Variants in RANBP2 observed in about 807,000 individuals in gnomAD.
RANBP2 encodes E3 SUMO-protein ligase RanBP2.
In RANBP2, 57 loss-of-function variants were observed where a neutral mutation model predicts 303.6. The ratio of observed to expected loss-of-function variants is 0.19; its 90% CI spans 0.15 to 0.23. The LOEUF is 0.23. RANBP2 is among the 10% of genes least tolerant of loss of function. The pLI is 1.00. For synonymous variants in RANBP2, 1,167 were observed against 1,301.5 expected, an observed-to-expected ratio of 0.90 and a Z score of 2.23; for missense variants, 3,138 against 3,780.8, an observed-to-expected ratio of 0.83 and a Z score of 4.46.
At chr2:109,414,903 C>A in the RANBP2 span, among the ~76,000 whole-genome samples, 2 of 152,206 alleles carry the variant, frequency 1.3e-5, no homozygotes, top group African/African-American at 4.8e-5. Flanking sequence ...AGTGCTGATC[C>A]CAGAACCTGA....
the RANBP2 span, among the ~76,000 whole-genome samples, chr2:109,397,566 G>A: frequency 2.8e-4 from 42 of 152,218 alleles, no homozygotes; most frequent in Non-Finnish European, 5.9e-4. Flanking sequence ...ACCCAAGTGG[G>A]AAACTTCCTC....
chr2:109,314,119 C>T, the RANBP2 span, among the ~76,000 whole-genome samples: 4 of 152,040 alleles, frequency 2.6e-5, no homozygotes, highest in South Asian at 6.3e-4. Flanking sequence ...CGGAAAGCAG[C>T]AGGCCTGGGC....
chr2:109,250,780 A>AG, the RANBP2 span, among the ~76,000 whole-genome samples: 1 of 151,900 alleles, frequency 6.6e-6, no homozygotes, highest in Admixed American at 6.6e-5. Context: ...AGAAAAAAAA[A>AG]GTGCTTCAAT....
At chr2:109,519,658 A>G in the RANBP2 span, among the ~76,000 whole-genome samples, 2 of 152,216 alleles carry the variant, frequency 1.3e-5, no homozygotes, top group Non-Finnish European at 2.9e-5. Context: ...TTAAAAATAG[A>G]TAAAACCACA....
the RANBP2 span, among the ~76,000 whole-genome samples, chr2:109,599,205 C>T: frequency 6.6e-6 from 1 of 151,998 alleles, no homozygotes; most frequent in Non-Finnish European, 1.5e-5. Flanking sequence ...CACCTGTAAC[C>T]CCAGCACTCT....
the RANBP2 span, among the ~76,000 whole-genome samples, chr2:109,267,672 C>T: frequency 6.6e-6 from 1 of 152,208 alleles, no homozygotes; most frequent in Non-Finnish European, 1.5e-5. Flanking sequence ...GTCTGGGAGG[C>T]AGGAGCCCCA....
chr2:108,759,402 A>G (rs962903194), intron 18 of RANBP2, among the ~76,000 whole-genome samples: 1 of 152,246 alleles, frequency 6.6e-6, no homozygotes, highest in African/African-American at 2.4e-5. Context: ...ACTTGCCAGT[A>G]TAATACATTG....
chr2:109,698,752 T>C, the RANBP2 span, among the ~76,000 whole-genome samples: 1 of 152,046 alleles, frequency 6.6e-6, no homozygotes, highest in East Asian at 1.9e-4. Flanking sequence ...GCTGGAGTTT[T>C]TTTGCATTCT....
chr2:109,587,988 A>G, the RANBP2 span, among the ~76,000 whole-genome samples: 1 of 152,108 alleles, frequency 6.6e-6, no homozygotes, highest in Non-Finnish European at 1.5e-5. Flanking sequence ...GCTGCTCAGG[A>G]GGCTGAGGTG....
At chr2:108,965,301 C>T in the RANBP2 span, among the ~76,000 whole-genome samples, 1 of 151,970 alleles carries the variant, frequency 6.6e-6, no homozygotes, top group Admixed American at 6.6e-5. Flanking sequence ...CATGGTGAAA[C>T]CCCATCTCTA....
the RANBP2 span, among the ~76,000 whole-genome samples, chr2:109,525,560 G>A: frequency 1.9e-4 from 29 of 152,308 alleles, no homozygotes; most frequent in Non-Finnish European, 2.9e-4. Context: ...GGCTGGTGAC[G>A]TGAACCCCAG....
At chr2:109,564,299 G>GAT in the RANBP2 span, 1 of 1,358,148 alleles carries the variant, frequency 7.4e-7, no homozygotes, top group Non-Finnish European at 9.7e-7. Flanking sequence ...CATCATCCTG[G>GAT]ATATATAAAA....
chr2:108,752,023 A>G, intron 12 of RANBP2, 29 bp downstream of exon 12: 2 of 1,610,052 alleles, frequency 1.2e-6, no homozygotes, highest in Non-Finnish European at 1.7e-6. Flanking sequence ...GCATTTTTAA[A>G]GAACATTACC....
the RANBP2 span, among the ~76,000 whole-genome samples, chr2:109,541,173 T>C: frequency 8.4e-4 from 128 of 152,348 alleles, no homozygotes; most frequent in Non-Finnish European, 1.6e-3. Context: ...AATTCTGATT[T>C]ACCTGTGTGA....
the RANBP2 span, among the ~76,000 whole-genome samples, chr2:109,119,454 C>A: frequency 1.3e-5 from 2 of 152,330 alleles, no homozygotes; most frequent in South Asian, 4.1e-4. Flanking sequence ...GGATATACTT[C>A]TGCCAAGACA....
the RANBP2 span, among the ~76,000 whole-genome samples, chr2:109,140,729 C>A: frequency 6.6e-6 from 1 of 152,056 alleles, no homozygotes; most frequent in African/African-American, 2.4e-5. Flanking sequence ...TTCCCTTCTG[C>A]AAAAGGCCTA....
the RANBP2 span, chr2:108,923,503 A>ACCTGT: frequency 6.4e-7 from 1 of 1,556,192 alleles, no homozygotes; most frequent in Non-Finnish European, 8.9e-7. Flanking sequence ...TGGACAGCAC[A>ACCTGT]CAGGCAGGGA....
the RANBP2 span, chr2:109,347,624 G>A: frequency 3.0e-5 from 47 of 1,587,164 alleles, no homozygotes; most frequent in African/African-American, 3.9e-4. Context: ...CCACTGTGGG[G>A]CATTGGGAAG....
the RANBP2 span, among the ~76,000 whole-genome samples, chr2:108,992,259 C>A: frequency 2.6e-5 from 4 of 152,184 alleles, no homozygotes; most frequent in African/African-American, 9.7e-5. Context: ...CGGTACTGTT[C>A]CAGTTGCTGG....
Sources: allele counts gnomAD v4.1 joint callset (sites outside exome capture counted in the v4.1 genomes callset), GRCh38; gene constraint gnomAD v4.1.1; transcripts MANE v1.5; gene names NCBI Gene and HGNC (gene_info 2026-07-23, HGNC 2026-07-21).